Variants in PHTF2 observed in about 807,000 individuals in gnomAD.
The protein encoded by PHTF2 is protein PHTF2.
Under a neutral mutation model 101.2 loss-of-function variants are expected in PHTF2, and 60 were observed. The observed-to-expected ratio is 0.59, with a 90% CI of 0.48 to 0.73. The LOEUF (loss-of-function observed/expected upper bound fraction) is 0.73. Among genes scored for constraint, PHTF2 ranks in the 30% least tolerant of loss-of-function variants. The pLI is 0.00. For missense variants in PHTF2, 747 were observed against 908.7 expected (o/e 0.82, Z 2.29); for synonymous variants, 311 against 307.3 (o/e 1.01, Z -0.13).
chr7:77,930,918 A>T (rs75451541), intron 12 of PHTF2, among the ~76,000 whole-genome samples: 15,373 of 152,278 alleles, frequency 0.1, 1,056 homozygotes, highest in African/African-American at 0.19. Flanking sequence ...CCTACTGGAT[A>T]TAAAAATTTA....
At chr7:77,817,334 C>T (rs1164393648) in intron 1 of PHTF2, among the ~76,000 whole-genome samples, 1 of 152,088 alleles carries the variant, frequency 6.6e-6, no homozygotes, top group Non-Finnish European at 1.5e-5. Flanking sequence ...AGTTCGTTCT[C>T]ACGCTGCTAA....
At chr7:77,908,067 T>G (rs962140972) in intron 7 of PHTF2, 10 of 152,194 alleles carry the variant, frequency 6.6e-5, no homozygotes, top group African/African-American at 2.4e-4. Flanking sequence ...TATTAGTCCC[T>G]GAAAAAGACT....
At chr7:77,923,865 C>T (rs1339064018) in intron 11 of PHTF2, 25 of 981,112 alleles carry the variant, frequency 2.5e-5, no homozygotes, top group Non-Finnish European at 2.9e-5. Context: ...GTATTTTAAA[C>T]GATTGAGTTT....
intron 11 of PHTF2, among the ~76,000 whole-genome samples, chr7:77,927,193 T>TACACACACACAC (rs1428236843): frequency 9.6e-5 from 9 of 93,532 alleles, no homozygotes; most frequent in African/African-American, 2.6e-4. Context: ...TATATATATA[T>TACACACACACAC]ATACATACAC....
chr7:77,862,977 C>T (rs544782296), intron 3 of PHTF2, among the ~76,000 whole-genome samples: 2 of 152,232 alleles, frequency 1.3e-5, no homozygotes, highest in South Asian at 4.2e-4. Flanking sequence ...TTGCTCTTTG[C>T]CTAATGGACC....
At chr7:77,908,010 A>G (rs1199703610) in intron 7 of PHTF2, 1 of 151,830 alleles carries the variant, frequency 6.6e-6, no homozygotes, top group Non-Finnish European at 1.5e-5. Flanking sequence ...TCATTTTTTC[A>G]TAGTCTTTAG....
chr7:77,931,719 T>C (rs931687252), intron 12 of PHTF2, among the ~76,000 whole-genome samples: 8 of 152,186 alleles, frequency 5.3e-5, no homozygotes, highest in African/African-American at 1.2e-4. Flanking sequence ...AATGAAACTT[T>C]AGAAGATAGG....
At chr7:77,948,253 A>G (rs115573113) in intron 16 of PHTF2, among the ~76,000 whole-genome samples, 3,152 of 152,252 alleles carry the variant, frequency 0.021, 89 homozygotes, top group African/African-American at 0.071. Flanking sequence ...AGAATGACCA[A>G]TGGGATGAAA....
intron 2 of PHTF2, among the ~76,000 whole-genome samples, chr7:77,854,045 T>G (rs1796974172): frequency 6.6e-6 from 1 of 152,166 alleles, no homozygotes. Context: ...ATTTATTGTA[T>G]TCTTTGTATC....
At chr7:77,830,126 CAAAG>C (rs1270594710) in intron 1 of PHTF2, among the ~76,000 whole-genome samples, 1 of 152,048 alleles carries the variant, frequency 6.6e-6, no homozygotes, top group African/African-American at 2.4e-5. Context: ...GGACTGCTCT[CAAAG>C]AACGTGTGGG....
chr7:77,862,022 A>C (rs1474156207), intron 3 of PHTF2, among the ~76,000 whole-genome samples: 1 of 150,466 alleles, frequency 6.6e-6, no homozygotes. Context: ...GTGCCATTGC[A>C]CTCCAGCCTG....
At chr7:77,938,955 A>T (rs1805400639) in intron 13 of PHTF2, among the ~76,000 whole-genome samples, 2 of 152,172 alleles carry the variant, frequency 1.3e-5, no homozygotes, top group Admixed American at 6.5e-5. Flanking sequence ...TCCCTATAAC[A>T]TATCTCAGTG....
At chr7:77,951,055 A>G (rs1261265791) in intron 17 of PHTF2, among the ~76,000 whole-genome samples, 4 of 152,220 alleles carry the variant, frequency 2.6e-5, no homozygotes, top group Non-Finnish European at 5.9e-5. Flanking sequence ...GGGTTAGAGC[A>G]TTTTTCAAAG....
At chr7:77,837,760 G>T (rs182529961) in intron 1 of PHTF2, among the ~76,000 whole-genome samples, 2 of 152,056 alleles carry the variant, frequency 1.3e-5, no homozygotes, top group Non-Finnish European at 2.9e-5. Context: ...TTGTGAGGCA[G>T]GCAGTGTTTT....
chr7:77,839,147 G>C (rs993117093), intron 1 of PHTF2, among the ~76,000 whole-genome samples: 26 of 152,200 alleles, frequency 1.7e-4, no homozygotes, highest in African/African-American at 6.3e-4. Context: ...GGCTCAGCAG[G>C]GTGCTTTACC....
intron 12 of PHTF2, among the ~76,000 whole-genome samples, chr7:77,935,214 C>CATTTACCCTT (rs1804998963): frequency 5.1e-5 from 3 of 59,248 alleles, no homozygotes; most frequent in African/African-American, 1.7e-4. Flanking sequence ...GTAATTTACC[C>CATTTACCCTT]TTTTTTTTTT....
chr7:77,893,707 T>A (rs1208295845), intron 4 of PHTF2, 43 bp downstream of exon 3: 5 of 789,332 alleles, frequency 6.3e-6, no homozygotes, highest in Middle Eastern at 2.5e-4. Context: ...AACATAGTTC[T>A]ATGAATTATT....
intron 12 of PHTF2, 68 bp from the exon 12 acceptor site, chr7:77,937,642 C>G: frequency 1.8e-6 from 1 of 556,646 alleles, no homozygotes; most frequent in Non-Finnish European, 2.8e-6. Flanking sequence ...ATATATACAA[C>G]TTTATATACA....
intron 11 of PHTF2, among the ~76,000 whole-genome samples, chr7:77,925,680 G>C (rs1053890624): frequency 6.6e-6 from 1 of 151,602 alleles, no homozygotes; most frequent in Non-Finnish European, 1.5e-5. Flanking sequence ...GGCTAGGCTG[G>C]TCTTGATGCA....
Sources: allele counts gnomAD v4.1 joint callset (sites outside exome capture counted in the v4.1 genomes callset), GRCh38; gene constraint gnomAD v4.1.1; transcripts MANE v1.5; gene names NCBI Gene and HGNC (gene_info 2026-07-23, HGNC 2026-07-21).